Variants in SH2D7 observed in about 807,000 individuals in gnomAD.
SH2D7 encodes the protein SH2 domain containing 7.
A neutral mutation model predicts 40.8 loss-of-function variants in SH2D7; 32 were observed. The ratio of observed to expected loss-of-function variants is 0.78; its 90% CI spans 0.59 to 1.05. The LOEUF (loss-of-function observed/expected upper bound fraction) is 1.05. Among genes scored for constraint, SH2D7 ranks in the 50% least tolerant of loss-of-function variants. SH2D7 has a pLI of 0.00. For synonymous variants in SH2D7, 195 were observed against 221.5 expected, an observed-to-expected ratio of 0.88 and a Z score of 1.06; for missense variants, 559 against 566.6, an observed-to-expected ratio of 0.99 and a Z score of 0.14.
chr15:78,101,559 G>T lies in SH2D7; in HGVS notation c.1305+1G>T, dbSNP rs755790563. 1.7e-5 allele frequency: 26 copies of T among 1,572,138 alleles called. No homozygotes were observed. The South Asian group carries it at 2.7e-4, about 16-fold the overall frequency. ...CAAGGAGACTGGACGGACACACAAG[G>T]TGAGCTCCATGATGGGGTGGGGCGG... On this transcript the variant is annotated splice_donor_variant, in intron 5 of 5. Coordinates refer to ENST00000328828, the MANE Select transcript of SH2D7 (RefSeq NM_001101404.2). LOFTEE classifies it high-confidence loss of function.
chr15:78,095,453 T>C (rs2073965399), intron 2 of SH2D7, among the ~76,000 whole-genome samples: 1 of 152,156 alleles, frequency 6.6e-6, no homozygotes, highest in South Asian at 2.1e-4. Flanking sequence ...GGTATACAAA[T>C]AGAAAAATTA....
chr15:78,095,352 T>C (rs907670296), intron 2 of SH2D7, among the ~76,000 whole-genome samples: 5 of 152,204 alleles, frequency 3.3e-5, no homozygotes, highest in Non-Finnish European at 5.9e-5. Context: ...GCTTTGGGGA[T>C]TTTTTTATTT....
intron 4 of SH2D7, among the ~76,000 whole-genome samples, chr15:78,098,945 A>G (rs964570833): frequency 6.6e-6 from 1 of 152,188 alleles, no homozygotes; most frequent in African/African-American, 2.4e-5. Flanking sequence ...AGTAAGCTGT[A>G]GCATGGGGTG....
chr15:78,101,456 T>C lies in SH2D7; in HGVS notation c.1203T>C (p.His401=), dbSNP rs766309186. 30 of 1,613,158 alleles carry C rather than the reference T, an allele frequency of 1.9e-5. No individual in the cohort carries two copies. The highest frequency in any genetic ancestry group is 2.7e-5 in the African/African-American group (2 of 74,904). The stretch of plus-strand genomic sequence containing the variant: ...GTCCCACATATAGCCCATGGGTCCA[T>C]GGCTACAAGAGGATCTCAGGGACCC... ...GASPTYSPWV[H]GYKRISGTPE... Residue 401 remains histidine, a synonymous_variant, in exon 5 of 6, where the codon CAT becomes CAC. Coordinates refer to ENST00000328828, the MANE Select transcript of SH2D7 (RefSeq NM_001101404.2).
chr15:78,103,830 G>C lies in SH2D7; in HGVS notation c.*315G>C. 1 of 365,046 alleles carries C rather than the reference G, an allele frequency of 2.7e-6. No homozygotes were observed. Among genetic ancestry groups the C allele is most frequent in the South Asian group, 3.5e-5 (1 of 28,496 alleles). The allele number at this position is 365,046 out of a possible 1,614,324, so 22.6% of individuals were successfully genotyped here. ...CCCATTTCCCAGATAAGCATGCTGA[G>C]GCCCAGGCAGACTGACTGAACCTGC... On this transcript the variant is annotated 3_prime_UTR_variant, in exon 6 of 6. Transcript: ENST00000328828.
In SH2D7 at chr15:78,103,625, C is replaced by T; in HGVS notation, c.*110C>T. 7.6e-7 allele frequency: 1 copy of T among 1,313,032 alleles called. No individual in the cohort carries two copies. The highest frequency in any genetic ancestry group is 1.1e-6 in the Non-Finnish European group (1 of 948,150). 81.3% of individuals were successfully genotyped at this position (1,313,032 alleles called of 1,614,324 possible). A position where few individuals can be genotyped will look rare whatever the true frequency, so the allele number is the denominator to read the frequency against. ...AAGGCACCCTTTGGATCTTGAGACT[C>T]ATCCAGCCTGCTACAGAACTAGGCT... On this transcript the variant is annotated 3_prime_UTR_variant, in exon 6 of 6. Coordinates refer to ENST00000328828, the MANE Select transcript of SH2D7 (RefSeq NM_001101404.2).
intron 5 of SH2D7, 58 bp downstream of exon 5, chr15:78,101,616 G>C: frequency 6.7e-7 from 1 of 1,492,822 alleles, no homozygotes; most frequent in South Asian, 1.4e-5. Flanking sequence ...CTGGTGGTAG[G>C]AGACAACCTG....
intron 5 of SH2D7, among the ~76,000 whole-genome samples, chr15:78,102,933 G>A (rs1031240649): frequency 6.6e-6 from 1 of 152,302 alleles, no homozygotes; most frequent in South Asian, 2.1e-4. Flanking sequence ...GGGAAGTGCT[G>A]ACGGCTCCTC....
chr15:78,102,857 G>A (rs933694145), intron 5 of SH2D7, among the ~76,000 whole-genome samples: 11 of 152,140 alleles, frequency 7.2e-5, no homozygotes, highest in Non-Finnish European at 1.2e-4. Context: ...CCATGGGCAA[G>A]TCCTCTGATC....
intron 4 of SH2D7, 76 bp from the exon 5 acceptor site, chr15:78,100,823 T>C: frequency 6.5e-7 from 1 of 1,537,298 alleles, no homozygotes; most frequent in East Asian, 2.3e-5. Flanking sequence ...CCTCGGCTTA[T>C]CTGAGAGAGT....
intron 4 of SH2D7, among the ~76,000 whole-genome samples, chr15:78,099,343 C>T (rs1436779883): frequency 1.3e-5 from 2 of 151,986 alleles, no homozygotes; most frequent in Admixed American, 1.3e-4. Flanking sequence ...GACAGAGTCT[C>T]GCTCTGTTAC....
intron 5 of SH2D7, among the ~76,000 whole-genome samples, chr15:78,102,150 A>C (rs917470353): frequency 6.6e-6 from 1 of 152,088 alleles, no homozygotes; most frequent in African/African-American, 2.4e-5. Context: ...GGGGGGCAGA[A>C]GCAGGAGGAT....
rs2073946919 is a variant in SH2D7 at position 78,092,662 on chromosome 15, C to T, written c.78C>T (p.Leu26=). ...GAGDSQALAE[L]QELALKWFME... ...GGGACAGCCAGGCCCTGGCTGAGCT[C>T]CAGGAGCTTGCCCTGAAGTGGTTCA... The change falls in exon 1 of 6, where the codon CTC becomes CTT. Residue 26 remains leucine, a synonymous_variant. Transcript: ENST00000328828. 1 of 1,577,450 alleles carries T rather than the reference C, an allele frequency of 6.3e-7. No individual in the cohort carries two copies. Among genetic ancestry groups the T allele is most frequent in the Non-Finnish European group, 8.6e-7 (1 of 1,161,782 alleles).
At chr15:78,099,772 G>A (rs777341422) in intron 4 of SH2D7, among the ~76,000 whole-genome samples, 1 of 151,984 alleles carries the variant, frequency 6.6e-6, no homozygotes, top group African/African-American at 2.4e-5. Flanking sequence ...CTTCAGTGAG[G>A]CCTTTTCATT....
intron 5 of SH2D7, among the ~76,000 whole-genome samples, chr15:78,102,137 C>A (rs1334577679): frequency 1.3e-5 from 2 of 152,120 alleles, no homozygotes; most frequent in African/African-American, 4.8e-5. Flanking sequence ...GTCTCAGCTA[C>A]CTGGGGGGCA....
Position 78,092,754 on chromosome 15 carries a change from C to A in SH2D7, c.170C>A (p.Thr57Asn), listed in dbSNP as rs747965722. Residue 57 changes from threonine to asparagine, a missense_variant, in exon 1 of 6, where the codon ACC becomes AAC. Coordinates refer to ENST00000328828, the MANE Select transcript of SH2D7 (RefSeq NM_001101404.2). Reference protein sequence around the residue: ...ALPPWFHGFITRKQTEQLLRD... With the variant: ...ALPPWFHGFINRKQTEQLLRD... ...CCTCCCTGGTTTCATGGATTCATCACCCGCAAGTAAGGCTGCTTCTACCCA... is the reference window on the plus strand; with the variant it reads ...CCTCCCTGGTTTCATGGATTCATCAACCGCAAGTAAGGCTGCTTCTACCCA... 3.2e-5 allele frequency: 51 copies of A among 1,607,666 alleles called. No individual in the cohort carries two copies. Among genetic ancestry groups the A allele is most frequent in the Non-Finnish European group, 4.3e-5 (50 of 1,176,416 alleles).
In SH2D7 at chr15:78,101,168, C is replaced by T. The variant is rs753788632; in HGVS notation, c.915C>T (p.Asp305=). The T allele has an allele frequency of 1.9e-6, 3 of 1,576,250 alleles. No homozygotes were observed. Among genetic ancestry groups the T allele is most frequent in the Non-Finnish European group, 2.6e-6 (3 of 1,163,822 alleles). The part of the protein sequence containing the change: ...LGPVLSGVSP[D]QGPTESPTSW... The stretch of plus-strand genomic sequence containing the variant: ...CTGTCCTTTCTGGGGTGAGCCCAGA[C>T]CAGGGTCCCACAGAGTCTCCCACTT... Residue 305 remains aspartate (D), a synonymous_variant, in exon 5 of 6, where the codon GAC becomes GAT. Coordinates refer to ENST00000328828, the MANE Select transcript of SH2D7 (RefSeq NM_001101404.2).
chr15:78,095,713 C>CA (rs2073967160), intron 2 of SH2D7, among the ~76,000 whole-genome samples: 1 of 152,030 alleles, frequency 6.6e-6, no homozygotes, highest in Non-Finnish European at 1.5e-5. Context: ...AAAACATTGT[C>CA]ATAGGTAAAT....
At chr15:78,097,626 C>T (rs2289525) in intron 2 of SH2D7, among the ~76,000 whole-genome samples, 26,237 of 151,946 alleles carry the variant, frequency 0.17, 3,292 homozygotes, top group East Asian at 0.66. Flanking sequence ...CTTTAAATTT[C>T]GCACCTAAGA....
Sources: allele counts gnomAD v4.1 joint callset (sites outside exome capture counted in the v4.1 genomes callset), GRCh38; gene constraint gnomAD v4.1.1; transcripts MANE v1.5; gene names NCBI Gene and HGNC (gene_info 2026-07-23, HGNC 2026-07-21).